Variants in IMMP2L observed in about 807,000 individuals in gnomAD.
The protein encoded by IMMP2L is inner mitochondrial membrane peptidase subunit 2.
Under a neutral mutation model 19.3 loss-of-function variants are expected in IMMP2L, and 18 were observed. The observed-to-expected ratio is 0.93, with a 90% confidence interval of 0.64 to 1.38. IMMP2L has a LOEUF of 1.38. IMMP2L is among the 40% of genes most tolerant of loss of function. The pLI is 0.00. For missense variants in IMMP2L, 233 were observed against 218.2 expected (o/e 1.07, Z -0.43); for synonymous variants, 76 against 73.0 (o/e 1.04, Z -0.21).
chr7:110,745,296 G>A lies in IMMP2L; in HGVS notation c.409-81575C>T, dbSNP rs532572743. ...TTTGATTGGTGTACCTGAAAGTGAC[G>A]GGGAGAATGGAACCAAGTTGGAAAA... On this transcript the variant is annotated intron_variant, in intron 5 of 5. Coordinates refer to ENST00000405709, the MANE Select transcript of IMMP2L (RefSeq NM_032549.4). Among the ~76,000 whole-genome samples the A allele has an allele frequency of 9.2e-5, 14 of 152,272 alleles. No individual in the cohort carries two copies. The East Asian group carries it at 2.1e-3, about 23-fold the overall frequency.
intron 3 of IMMP2L, among the ~76,000 whole-genome samples, chr7:111,403,582 T>C (rs1056796235): frequency 1.3e-5 from 2 of 152,152 alleles, no homozygotes; most frequent in South Asian, 2.1e-4. Flanking sequence ...ATTCAAAATA[T>C]ATGTTTTGTT....
At chr7:110,668,023 A>G (rs1298615212) in intron 5 of IMMP2L, among the ~76,000 whole-genome samples, 1 of 152,102 alleles carries the variant, frequency 6.6e-6, no homozygotes, top group East Asian at 1.9e-4. Context: ...GTAACATGCT[A>G]TATTCTCTTG....
intron 5 of IMMP2L, among the ~76,000 whole-genome samples, chr7:110,747,557 A>G (rs1797434362): frequency 6.6e-6 from 1 of 152,202 alleles, no homozygotes; most frequent in Admixed American, 6.5e-5. Context: ...ACCACGATCA[A>G]GGTGGCTTCA....
chr7:111,413,621 T>G (rs954830199), intron 3 of IMMP2L, among the ~76,000 whole-genome samples: 4 of 151,956 alleles, frequency 2.6e-5, no homozygotes, highest in African/African-American at 9.7e-5. Flanking sequence ...ATATCAATAG[T>G]TACAGAAAAG....
chr7:111,398,235 A>G (rs548686883), intron 3 of IMMP2L, among the ~76,000 whole-genome samples: 1 of 152,294 alleles, frequency 6.6e-6, no homozygotes, highest in South Asian at 2.1e-4. Flanking sequence ...TTAACAAAAC[A>G]CTAGCTAACC....
At chr7:111,458,871 T>C (rs557230052) in intron 3 of IMMP2L, among the ~76,000 whole-genome samples, 1 of 152,332 alleles carries the variant, frequency 6.6e-6, no homozygotes, top group East Asian at 1.9e-4. Flanking sequence ...CTGGATACAC[T>C]ATTAGAATTC....
intron 5 of IMMP2L, among the ~76,000 whole-genome samples, chr7:110,667,280 AT>A (rs1336479708): frequency 1.3e-5 from 2 of 152,036 alleles, no homozygotes; most frequent in African/African-American, 4.8e-5. Context: ...TTGATTACCC[AT>A]TTTTGATTCC....
At chr7:111,370,344 A>G (rs1235233925) in intron 3 of IMMP2L, among the ~76,000 whole-genome samples, 1 of 151,990 alleles carries the variant, frequency 6.6e-6, no homozygotes, top group East Asian at 1.9e-4. Context: ...AGAAATTCCT[A>G]TTGATATTGA....
At chr7:111,108,913 A>G (rs1038468301) in intron 3 of IMMP2L, among the ~76,000 whole-genome samples, 29 of 152,228 alleles carry the variant, frequency 1.9e-4, no homozygotes, top group Non-Finnish European at 2.2e-4. Context: ...GAACAACAAT[A>G]GCAGGCAATA....
chr7:110,983,487 T>G (rs1821522902), intron 3 of IMMP2L, among the ~76,000 whole-genome samples: 1 of 152,004 alleles, frequency 6.6e-6, no homozygotes, highest in Admixed American at 6.6e-5. Flanking sequence ...ATATAGAAAT[T>G]TAGTTGCCAG....
At chr7:111,223,412 A>G (rs1812737067) in intron 3 of IMMP2L, among the ~76,000 whole-genome samples, 1 of 152,198 alleles carries the variant, frequency 6.6e-6, no homozygotes, top group South Asian at 2.1e-4. Flanking sequence ...ATTATTTTTT[A>G]AAGTCTAATT....
At chr7:110,921,325 A>G (rs1052560076) in intron 4 of IMMP2L, among the ~76,000 whole-genome samples, 1 of 152,172 alleles carries the variant, frequency 6.6e-6, no homozygotes, top group African/African-American at 2.4e-5. Flanking sequence ...GTTTCTCAAG[A>G]CAGTGGCATC....
chr7:110,689,877 C>G (rs1224460794), intron 5 of IMMP2L, among the ~76,000 whole-genome samples: 6 of 152,054 alleles, frequency 3.9e-5, no homozygotes, highest in African/African-American at 1.4e-4. Context: ...TGGTCTAGAC[C>G]AGTTTGTGCT....
intron 3 of IMMP2L, among the ~76,000 whole-genome samples, chr7:111,012,524 G>A (rs1242241602): frequency 1.3e-5 from 2 of 151,816 alleles, no homozygotes; most frequent in Non-Finnish European, 2.9e-5. Context: ...ATTAACATAG[G>A]GGCAAATGAA....
intron 5 of IMMP2L, among the ~76,000 whole-genome samples, chr7:110,694,415 A>G (rs918473824): frequency 6.7e-6 from 1 of 149,336 alleles, no homozygotes; most frequent in Non-Finnish European, 1.5e-5. Flanking sequence ...AATATACATG[A>G]TACAGAAAAA....
intron 5 of IMMP2L, among the ~76,000 whole-genome samples, chr7:110,766,258 T>G (rs1253436449): frequency 1.3e-5 from 2 of 152,152 alleles, no homozygotes; most frequent in Non-Finnish European, 2.9e-5. Flanking sequence ...AACTTGTATT[T>G]GACTCCAATC....
At chr7:110,699,496 G>A (rs1004483713) in intron 5 of IMMP2L, among the ~76,000 whole-genome samples, 8 of 152,144 alleles carry the variant, frequency 5.3e-5, no homozygotes, top group Admixed American at 6.5e-5. Context: ...AGGAGGCCAG[G>A]AGCAGTGGCT....
chr7:111,384,139 C>G (rs113689038), intron 3 of IMMP2L, among the ~76,000 whole-genome samples: 4 of 150,010 alleles, frequency 2.7e-5, no homozygotes, highest in African/African-American at 1.0e-4. Context: ...GTGAGAGCCC[C>G]CATCTCTAAA....
chr7:111,081,550 C>G (rs896113477), intron 3 of IMMP2L, among the ~76,000 whole-genome samples: 3 of 152,140 alleles, frequency 2.0e-5, no homozygotes, highest in African/African-American at 7.2e-5. Flanking sequence ...GCTATGAGTC[C>G]AAAGATCTCA....
Sources: gnomAD v4.1 joint callset for allele counts (sites outside exome capture counted in the v4.1 genomes callset) on GRCh38, gnomAD v4.1.1 for gene constraint, MANE v1.5 for transcripts, NCBI Gene and HGNC (gene_info 2026-07-23, HGNC 2026-07-21) for gene names.